Variants in HMCN1 observed in about 807,000 individuals in gnomAD.
The protein encoded by HMCN1 is hemicentin-1.
A neutral mutation model predicts 625.9 loss-of-function variants in HMCN1; 321 were observed. The ratio of observed to expected loss-of-function variants is 0.51; its 90% CI spans 0.47 to 0.56. The LOEUF (loss-of-function observed/expected upper bound fraction) is 0.56. Among genes scored for constraint, HMCN1 ranks in the 20% least tolerant of loss-of-function variants. The probability of loss-of-function intolerance (pLI) is 0.00; values close to 1 mark genes in which losing one functional copy is unlikely to be tolerated. For missense variants in HMCN1, 6,588 were observed against 6,887.3 expected (o/e 0.96, Z 1.54); for synonymous variants, 2,425 against 2,417.6 (o/e 1.00, Z -0.09).
At chr1:185,939,081 T>C (rs1360398592) in intron 11 of HMCN1, among the ~76,000 whole-genome samples, 2 of 152,038 alleles carry the variant, frequency 1.3e-5, no homozygotes, top group African/African-American at 4.8e-5. Flanking sequence ...GAAGTAGATC[T>C]TAAAAAGGAA....
intron 1 of HMCN1, among the ~76,000 whole-genome samples, chr1:185,816,705 C>A (rs1372222596): frequency 6.6e-6 from 1 of 152,146 alleles, no homozygotes; most frequent in Non-Finnish European, 1.5e-5. Flanking sequence ...CATTTAAGTA[C>A]ATCTTGTTTT....
intron 4 of HMCN1, among the ~76,000 whole-genome samples, chr1:185,901,472 G>T (rs1665803557): frequency 6.6e-6 from 1 of 151,602 alleles, no homozygotes; most frequent in Admixed American, 6.6e-5. Flanking sequence ...AGAGTCCTAT[G>T]CCTTTTTTGA....
intron 100 of HMCN1, among the ~76,000 whole-genome samples, chr1:186,169,810 C>CAA (rs766274510): frequency 5.1e-4 from 77 of 152,100 alleles, no homozygotes; most frequent in Non-Finnish European, 1.0e-3. Context: ...GCAATGGCAA[C>CAA]AAAAGTCGAA....
intron 97 of HMCN1, among the ~76,000 whole-genome samples, chr1:186,163,767 A>T (rs1320029509): frequency 2.6e-5 from 4 of 152,200 alleles, no homozygotes; most frequent in African/African-American, 9.6e-5. Flanking sequence ...ATCATCTTGC[A>T]AGACTGTCTC....
In HMCN1 at chr1:185,892,230, T is replaced by G. The variant is rs935404013; in HGVS notation, c.622-17107T>G. ...CATTCTTCTAAATTTTTTTTAAAGT[T>G]TTCAACTTCTTTGCCTTCGGTTTGA... On this transcript the variant is annotated intron_variant, in intron 4 of 106. Transcript: ENST00000271588. 3.3e-5 allele frequency among the ~76,000 whole-genome samples: 5 copies of G among 150,608 alleles called. No homozygotes were observed. The South Asian group carries it at 8.3e-4, about 25-fold the overall frequency.
Position 185,984,321 on chromosome 1 carries a change from A to G in HMCN1, c.2935+8A>G, listed in dbSNP as rs1450368590. On this transcript the variant is annotated splice_region_variant and intron_variant, in intron 19 of 106. Coordinates refer to ENST00000271588, the MANE Select transcript of HMCN1 (RefSeq NM_031935.3). ...CCTCTGTGGTTGTGCATGGTAAGAG[A>G]CACACCCAATGTTATTGTTTCGAAA... 6.2e-7 allele frequency: 1 copy of G among 1,613,552 alleles called. No homozygotes were observed. The highest frequency in any genetic ancestry group is 2.2e-5 in the East Asian group (1 of 44,858).
intron 1 of HMCN1, among the ~76,000 whole-genome samples, chr1:185,800,408 A>C (rs989160149): frequency 2.0e-5 from 3 of 152,118 alleles, no homozygotes; most frequent in Admixed American, 6.5e-5. Context: ...AAACCCCTTC[A>C]TCATGATCAC....
chr1:186,103,586 T>A lies in HMCN1; in HGVS notation c.10688T>A (p.Met3563Lys). Residue 3563 changes from methionine to lysine, a missense_variant, in exon 69 of 107, where the codon ATG (methionine) becomes AAG (lysine). Coordinates refer to ENST00000271588, the MANE Select transcript of HMCN1 (RefSeq NM_031935.3). ...SGIPAPKMTW[M>K]KDGRPLPQTD... The stretch of plus-strand genomic sequence containing the variant: ...ATCCCAGCCCCTAAAATGACCTGGA[T>A]GAAAGATGGCCGGCCCCTTCCACAG... 1 of 1,613,936 alleles carries A rather than the reference T, an allele frequency of 6.2e-7. No individual in the cohort carries two copies. The highest frequency in any genetic ancestry group is 8.5e-7 in the Non-Finnish European group (1 of 1,179,864).
chr1:185,913,162 T>G (rs984041930), intron 6 of HMCN1, among the ~76,000 whole-genome samples: 3 of 151,382 alleles, frequency 2.0e-5, no homozygotes, highest in Admixed American at 1.3e-4. Flanking sequence ...TTGTGTAGAT[T>G]ATTTCAAGGT....
At chr1:186,171,818 TTTTTGA>T (rs1290272481) in intron 101 of HMCN1, among the ~76,000 whole-genome samples, 182 bp from the exon 102 acceptor site, 2 of 152,286 alleles carry the variant, frequency 1.3e-5, no homozygotes, top group African/African-American at 4.8e-5. Context: ...TTTGTGTTTG[TTTTTGA>T]TTTTTATTAT....
intron 58 of HMCN1, among the ~76,000 whole-genome samples, chr1:186,086,810 TA>T (rs1369902143): frequency 8.5e-5 from 2 of 23,570 alleles, no homozygotes; most frequent in Non-Finnish European, 1.3e-4. Flanking sequence ...GATAGATAGA[TA>T]GATGATAGAT....
At chr1:185,768,433 A>T (rs1656010865) in intron 1 of HMCN1, among the ~76,000 whole-genome samples, 1 of 152,320 alleles carries the variant, frequency 6.6e-6, no homozygotes, top group African/African-American at 2.4e-5. Context: ...ATCCATTGTC[A>T]TGTCCTCTGA....
rs538046325 is a variant in HMCN1 at position 186,052,245 on chromosome 1, G to A, written c.6578-707G>A. Among the ~76,000 whole-genome samples, 4 of 152,110 alleles carry A rather than the reference G, an allele frequency of 2.6e-5. No homozygotes were observed. The East Asian group carries it at 7.8e-4, about 30-fold the overall frequency. ...ACAATGACTGGAAGCCACACTGGGG[G>A]TAAAGGAGGATTCTCCCACTCCTCA... On this transcript the variant is annotated intron_variant, in intron 42 of 106. Transcript: ENST00000271588.
intron 1 of HMCN1, among the ~76,000 whole-genome samples, chr1:185,761,989 C>A (rs1655539166): frequency 6.6e-6 from 1 of 152,162 alleles, no homozygotes; most frequent in Non-Finnish European, 1.5e-5. Context: ...AGTTTCTGGA[C>A]CGTCACCCTA....
intron 4 of HMCN1, among the ~76,000 whole-genome samples, chr1:185,887,283 T>C (rs1664719451): frequency 6.6e-6 from 1 of 152,116 alleles, no homozygotes; most frequent in Admixed American, 6.6e-5. Flanking sequence ...ATTCAATAGC[T>C]CTTAAATGAA....
chr1:186,000,559 ATG>A (rs68110596), intron 26 of HMCN1, among the ~76,000 whole-genome samples: 14,131 of 144,538 alleles, frequency 0.098, 819 homozygotes, highest in Middle Eastern at 0.19. Context: ...GTGTGTGTGT[ATG>A]TGTGTGTGTG....
At chr1:186,013,423 A>G (rs762599138) in intron 30 of HMCN1, among the ~76,000 whole-genome samples, 14 of 152,320 alleles carry the variant, frequency 9.2e-5, no homozygotes, top group South Asian at 8.3e-4. Flanking sequence ...AATTCACCTC[A>G]AAGTATAGTA....
chr1:186,032,434 G>A (rs1655519586), intron 36 of HMCN1, among the ~76,000 whole-genome samples: 1 of 152,086 alleles, frequency 6.6e-6, no homozygotes, highest in Non-Finnish European at 1.5e-5. Flanking sequence ...TTGAGTCATA[G>A]TTCCCATAAT....
intron 1 of HMCN1, among the ~76,000 whole-genome samples, chr1:185,798,768 C>G (rs1294832912): frequency 2.0e-5 from 3 of 151,268 alleles, no homozygotes; most frequent in African/African-American, 7.3e-5. Flanking sequence ...TATATTTTTC[C>G]TTCATGTTCT....
Sources: gnomAD v4.1 joint callset for allele counts (sites outside exome capture counted in the v4.1 genomes callset) on GRCh38, gnomAD v4.1.1 for gene constraint, MANE v1.5 for transcripts, NCBI Gene and HGNC (gene_info 2026-07-23, HGNC 2026-07-21) for gene names.